Variants in MACROD2 observed in about 807,000 individuals in gnomAD.
The protein encoded by MACROD2 is mono-ADP ribosylhydrolase 2.
Under a neutral mutation model 70.4 loss-of-function variants are expected in MACROD2, and 36 were observed. The ratio of observed to expected loss-of-function variants is 0.51; its 90% CI spans 0.39 to 0.68. The LOEUF is 0.68. Ranked by LOEUF, MACROD2 falls within the 30% of genes least tolerant of loss-of-function variation. The pLI is 0.00. For synonymous variants in MACROD2, 172 were observed against 178.8 expected, an observed-to-expected ratio of 0.96 and a Z score of 0.30; for missense variants, 496 against 538.4, an observed-to-expected ratio of 0.92 and a Z score of 0.78.
At chr20:13,997,798 A>G (rs948624989) in intron 1 of MACROD2, among the ~76,000 whole-genome samples, 2 of 152,184 alleles carry the variant, frequency 1.3e-5, no homozygotes, top group Non-Finnish European at 2.9e-5. Flanking sequence ...ACTTTAATGC[A>G]TATCTCAGTG....
chr20:15,375,402 G>T (rs77417785), intron 6 of MACROD2, among the ~76,000 whole-genome samples: 11,008 of 152,186 alleles, frequency 0.072, 515 homozygotes, highest in Non-Finnish European at 0.11. Context: ...AGAGCTCCAA[G>T]AAAGACTCAG....
chr20:14,309,932 T>TA (rs1367805976), intron 3 of MACROD2, among the ~76,000 whole-genome samples: 1 of 152,150 alleles, frequency 6.6e-6, no homozygotes, highest in Admixed American at 6.5e-5. Flanking sequence ...TACACAATTG[T>TA]TTTGCGTGTG....
chr20:15,120,075 G>C (rs1267963665), intron 5 of MACROD2, among the ~76,000 whole-genome samples: 1 of 152,168 alleles, frequency 6.6e-6, no homozygotes, highest in Non-Finnish European at 1.5e-5. Flanking sequence ...GCTGCTGCTT[G>C]CACTTTAGAT....
At chr20:16,005,881 C>G (rs1467583154) in intron 15 of MACROD2, among the ~76,000 whole-genome samples, 2 of 152,178 alleles carry the variant, frequency 1.3e-5, no homozygotes, top group African/African-American at 4.8e-5. Flanking sequence ...TCCTTTTCCC[C>G]TATTGTTCTC....
intron 8 of MACROD2, among the ~76,000 whole-genome samples, chr20:15,526,355 C>G (rs2047721937): frequency 6.6e-6 from 1 of 152,008 alleles, no homozygotes; most frequent in Non-Finnish European, 1.5e-5. Context: ...AAAAATAGTT[C>G]AGGTATAACA....
At chr20:14,832,153 C>T (rs2072977628) in intron 5 of MACROD2, among the ~76,000 whole-genome samples, 1 of 149,554 alleles carries the variant, frequency 6.7e-6, no homozygotes, top group East Asian at 2.0e-4. Flanking sequence ...CGCCATTCTC[C>T]TGCCTCAGCC....
At chr20:14,735,998 A>G (rs1056202406) in intron 5 of MACROD2, among the ~76,000 whole-genome samples, 15 of 152,320 alleles carry the variant, frequency 9.8e-5, no homozygotes, top group Middle Eastern at 3.4e-3. Context: ...AACTGAAAAC[A>G]GGTGTTCAAA....
At chr20:14,163,844 A>G (rs1359480431) in intron 3 of MACROD2, among the ~76,000 whole-genome samples, 1 of 151,852 alleles carries the variant, frequency 6.6e-6, no homozygotes, top group African/African-American at 2.4e-5. Flanking sequence ...TCTCATTTAT[A>G]TCCCAAATAT....
intron 5 of MACROD2, among the ~76,000 whole-genome samples, chr20:15,228,079 A>G (rs2076926200): frequency 6.6e-6 from 1 of 152,040 alleles, no homozygotes; most frequent in African/African-American, 2.4e-5. Context: ...AAGAAACTAA[A>G]GTACAATATT....
intron 5 of MACROD2, among the ~76,000 whole-genome samples, chr20:15,001,614 A>C (rs549876161): frequency 3.9e-5 from 6 of 152,206 alleles, no homozygotes; most frequent in South Asian, 4.1e-4. Flanking sequence ...ATTTGAAAAC[A>C]AAAGTTTAAA....
intron 7 of MACROD2, among the ~76,000 whole-genome samples, chr20:15,489,209 A>G (rs1174427763): frequency 2.6e-5 from 4 of 152,348 alleles, no homozygotes; most frequent in South Asian, 2.1e-4. Context: ...TTTGGCACAC[A>G]TAATGTCAAG....
At chr20:14,770,820 G>A (rs1345850920) in intron 5 of MACROD2, among the ~76,000 whole-genome samples, 1 of 151,770 alleles carries the variant, frequency 6.6e-6, no homozygotes, top group Non-Finnish European at 1.5e-5. Flanking sequence ...AAAACCTGTG[G>A]TAGATCTGGG....
chr20:15,419,593 T>C (rs1370689104), intron 6 of MACROD2, among the ~76,000 whole-genome samples: 1 of 152,218 alleles, frequency 6.6e-6, no homozygotes, highest in African/African-American at 2.4e-5. Flanking sequence ...GGCCCCCCTC[T>C]CAGGGTCAGT....
chr20:14,653,781 A>G (rs1041981353), intron 4 of MACROD2, among the ~76,000 whole-genome samples: 1 of 152,188 alleles, frequency 6.6e-6, no homozygotes, highest in Admixed American at 6.5e-5. Flanking sequence ...CTGCAGGAGC[A>G]TGGTTGGCTC....
intron 8 of MACROD2, among the ~76,000 whole-genome samples, chr20:15,769,326 T>G (rs1278632114): frequency 6.6e-6 from 1 of 152,168 alleles, no homozygotes; most frequent in Non-Finnish European, 1.5e-5. Context: ...TTTGTATTTT[T>G]AGTACAGACA....
At chr20:15,538,434 AC>A (rs1211407626) in intron 8 of MACROD2, among the ~76,000 whole-genome samples, 2 of 152,248 alleles carry the variant, frequency 1.3e-5, no homozygotes, top group Admixed American at 1.3e-4. Flanking sequence ...GATTCTATTA[AC>A]CCCTTTTTAG....
chr20:14,340,213 C>T (rs1054154191), intron 3 of MACROD2, among the ~76,000 whole-genome samples: 1 of 152,140 alleles, frequency 6.6e-6, no homozygotes, highest in Non-Finnish European at 1.5e-5. Context: ...AAGGACTTGG[C>T]TCAGGGTAGA....
chr20:14,121,910 ATTGT>A (rs2054593940), intron 3 of MACROD2, among the ~76,000 whole-genome samples: 1 of 152,072 alleles, frequency 6.6e-6, no homozygotes, highest in African/African-American at 2.4e-5. Context: ...GAAGTCTGTA[ATTGT>A]TTGGTGTAAG....
At chr20:15,196,802 C>A (rs1156962679) in intron 5 of MACROD2, 3 of 931,312 alleles carry the variant, frequency 3.2e-6, no homozygotes, top group South Asian at 9.9e-5. Context: ...CATAATATTT[C>A]TCTACCCCTC....
Sources: gnomAD v4.1 joint callset for allele counts (sites outside exome capture counted in the v4.1 genomes callset) on GRCh38, gnomAD v4.1.1 for gene constraint, MANE v1.5 for transcripts, NCBI Gene and HGNC (gene_info 2026-07-23, HGNC 2026-07-21) for gene names.